Variants in PTP4A1 observed in about 807,000 individuals in gnomAD.
The protein encoded by PTP4A1 is protein tyrosine phosphatase type IVA 1.
Under a neutral mutation model 20.5 loss-of-function variants are expected in PTP4A1, and 9 were observed. That is an observed-to-expected ratio of 0.44 (90% confidence interval 0.26 to 0.77). The LOEUF (loss-of-function observed/expected upper bound fraction) is 0.77. PTP4A1 is among the 30% of genes least tolerant of loss of function. The probability of loss-of-function intolerance (pLI) is 0.19; values close to 1 mark genes in which losing one functional copy is unlikely to be tolerated. For missense variants in PTP4A1, 137 were observed against 218.8 expected (o/e 0.63, Z 2.36); for synonymous variants, 78 against 67.4 (o/e 1.16, Z -0.77).
At chr6:63,526,826 TA>T (rs1260106497) in intron 1 of PTP4A1, among the ~76,000 whole-genome samples, 1,575 of 143,392 alleles carry the variant, frequency 0.011, 33 homozygotes, top group African/African-American at 0.037. Flanking sequence ...TATATATATA[TA>T]TATATATATT....
intron 2 of PTP4A1, among the ~76,000 whole-genome samples, chr6:63,540,643 GA>G (rs1214882804): frequency 6.6e-6 from 1 of 151,158 alleles, no homozygotes; most frequent in Non-Finnish European, 1.5e-5. Flanking sequence ...AAAAAGAAAA[GA>G]AAAAAGAAAA....
chr6:63,572,126 T>C (rs985091858), upstream of PTP4A1: 1 of 152,348 alleles, frequency 6.6e-6, no homozygotes, highest in African/African-American at 2.4e-5. Flanking sequence ...TCATGTGACA[T>C]GTGTGCACTC....
upstream of PTP4A1, among the ~76,000 whole-genome samples, chr6:63,568,668 A>C (rs1308671439): frequency 6.6e-6 from 1 of 152,208 alleles, no homozygotes; most frequent in African/African-American, 2.4e-5. Flanking sequence ...TAAAAAAAAA[A>C]AACAATATTT....
intron 3 of PTP4A1, among the ~76,000 whole-genome samples, chr6:63,554,519 C>A (rs1036108770): frequency 6.6e-6 from 1 of 152,124 alleles, no homozygotes; most frequent in African/African-American, 2.4e-5. Flanking sequence ...TAATTTAGGC[C>A]GGGCACGGTG....
chr6:63,568,173 C>A (rs1777270853), upstream of PTP4A1, among the ~76,000 whole-genome samples: 1 of 152,180 alleles, frequency 6.6e-6, no homozygotes, highest in African/African-American at 2.4e-5. Flanking sequence ...AGAGCTTTTC[C>A]TTGGCATTCA....
At chr6:63,552,361 A>G (rs986078913) in intron 3 of PTP4A1, among the ~76,000 whole-genome samples, 29 of 151,792 alleles carry the variant, frequency 1.9e-4, no homozygotes, top group African/African-American at 4.3e-4. Context: ...CATGTCCTTT[A>G]CCCACTTTTT....
intron 3 of PTP4A1, among the ~76,000 whole-genome samples, chr6:63,556,815 C>T (rs1312587526): frequency 2.0e-5 from 3 of 152,036 alleles, no homozygotes; most frequent in Admixed American, 6.6e-5. Flanking sequence ...CAAGAAATGC[C>T]CAAATATAAC....
intron 5 of PTP4A1, 92 bp downstream of exon 5, chr6:63,579,423 TATG>T (rs1415628241): frequency 1.7e-5 from 15 of 887,516 alleles, no homozygotes; most frequent in Non-Finnish European, 2.5e-5. Flanking sequence ...ATTTAATCAT[TATG>T]ATTATTTTTT....
chr6:63,559,837 G>A (rs1271684469), intron 3 of PTP4A1, among the ~76,000 whole-genome samples: 10 of 152,102 alleles, frequency 6.6e-5, no homozygotes, highest in Admixed American at 6.6e-4. Context: ...GGTTTGCCCA[G>A]GCTGGTTTCG....
At chr6:63,526,678 T>C (rs1229810116) in intron 1 of PTP4A1, among the ~76,000 whole-genome samples, 2 of 151,020 alleles carry the variant, frequency 1.3e-5, no homozygotes, top group African/African-American at 4.9e-5. Context: ...CGTGGTGGCG[T>C]GTGCCTGTAG....
intron 1 of PTP4A1, among the ~76,000 whole-genome samples, chr6:63,526,803 GTATATATATATATATATATA>G (rs376671990): frequency 9.9e-6 from 1 of 101,448 alleles, no homozygotes; most frequent in African/African-American, 4.4e-5. Flanking sequence ...TCTCAAAAAT[GTATATATATATATATATATA>G]TATATATATA....
chr6:63,539,272 C>G lies in PTP4A1; in HGVS notation c.-639-11028C>G, dbSNP rs181950862. On this transcript the variant is annotated intron_variant, in intron 2 of 3. Transcript: ENST00000639568. ...AAAATTACATAACATGTAATATTAA[C>G]AAAGAGATAAAGAGTAATTCAATAA... Among the ~76,000 whole-genome samples the G allele has an allele frequency of 9.2e-5, 14 of 152,130 alleles. No individual in the cohort carries two copies. The East Asian group carries it at 2.1e-3, about 23-fold the overall frequency.
Position 63,576,790 on chromosome 6 carries a change from T to A in PTP4A1, c.-91T>A. ...ACTGAGAATTTCAAGTGGAGTATAT[T>A]GAAGTAGACTTCAGTTTCTTTGCAT... On this transcript the variant is annotated 5_prime_UTR_variant, in exon 2 of 6. Transcript: ENST00000626021. 1.0e-6 allele frequency: 1 copy of A among 999,662 alleles called. No individual in the cohort carries two copies. The highest frequency in any genetic ancestry group is 1.5e-6 in the Non-Finnish European group (1 of 662,918). The allele number at this position is 999,662 out of a possible 1,614,324, so 61.9% of individuals were successfully genotyped here.
chr6:63,547,469 C>T (rs558576059), intron 2 of PTP4A1, among the ~76,000 whole-genome samples: 4 of 144,224 alleles, frequency 2.8e-5, no homozygotes, highest in South Asian at 4.5e-4. Context: ...GGATTACAGG[C>T]GTCTGCCACC....
At chr6:63,575,116 G>A (rs1027812182) in intron 1 of PTP4A1, among the ~76,000 whole-genome samples, 3 of 152,184 alleles carry the variant, frequency 2.0e-5, no homozygotes, top group Non-Finnish European at 4.4e-5. Context: ...CAAAGTTCTA[G>A]AAACTATAAC....
At chr6:63,521,537 A>G (rs1774925044), upstream of PTP4A1, among the ~76,000 whole-genome samples, 1 of 152,258 alleles carries the variant, frequency 6.6e-6, no homozygotes, top group Non-Finnish European at 1.5e-5. Context: ...GCTAAATGCC[A>G]TAACTAAGTT....
chr6:63,566,654 T>C (rs1439384105), intron 3 of PTP4A1, among the ~76,000 whole-genome samples: 1 of 152,202 alleles, frequency 6.6e-6, no homozygotes, highest in Non-Finnish European at 1.5e-5. Context: ...GAATCCTGCC[T>C]CAGTGATGAT....
chr6:63,523,737 T>A (rs1241285769), intron 1 of PTP4A1, among the ~76,000 whole-genome samples: 1 of 152,152 alleles, frequency 6.6e-6, no homozygotes, highest in Non-Finnish European at 1.5e-5. Flanking sequence ...TTTGCGATTT[T>A]TTTAAGCTCA....
At chr6:63,529,524 TC>T (rs1775361290) in intron 2 of PTP4A1, among the ~76,000 whole-genome samples, 2 of 152,256 alleles carry the variant, frequency 1.3e-5, no homozygotes, top group South Asian at 4.2e-4. Context: ...AACCTAGCCT[TC>T]CTTTTCTACC....
Sources: allele counts gnomAD v4.1 joint callset (sites outside exome capture counted in the v4.1 genomes callset), GRCh38; gene constraint gnomAD v4.1.1; transcripts MANE v1.5; gene names NCBI Gene and HGNC (gene_info 2026-07-23, HGNC 2026-07-21).